Variants in HSD17B11 observed in about 807,000 individuals in gnomAD.
HSD17B11 encodes the protein estradiol 17-beta-dehydrogenase 11.
HSD17B11 carries 22 observed loss-of-function variants against 27.8 expected under a neutral mutation model. The ratio of observed to expected loss-of-function variants is 0.79; its 90% CI spans 0.56 to 1.13. The LOEUF (loss-of-function observed/expected upper bound fraction) is 1.13, where lower values mean the gene tolerates loss of function less well. Ranked by LOEUF, HSD17B11 falls within the 50% of genes most tolerant of loss-of-function variation. The pLI is 0.00. For synonymous variants in HSD17B11, 117 were observed against 132.8 expected, an observed-to-expected ratio of 0.88 and a Z score of 0.82; for missense variants, 314 against 351.1, an observed-to-expected ratio of 0.89 and a Z score of 0.84.
intron 5 of HSD17B11, among the ~76,000 whole-genome samples, chr4:87,342,485 T>A (rs1481050949): frequency 2.0e-5 from 3 of 151,322 alleles, no homozygotes; most frequent in Non-Finnish European, 1.5e-5. Flanking sequence ...GGCGGGAGGA[T>A]CACTTGAGCC....
chr4:87,365,225 T>C (rs1031406092), intron 4 of HSD17B11, among the ~76,000 whole-genome samples: 2 of 152,202 alleles, frequency 1.3e-5, no homozygotes, highest in Non-Finnish European at 2.9e-5. Flanking sequence ...CTTCTATTTA[T>C]AGTGTATGTT....
intron 2 of HSD17B11, among the ~76,000 whole-genome samples, chr4:87,376,825 C>T (rs1308609438): frequency 1.3e-5 from 2 of 152,160 alleles, no homozygotes; most frequent in Non-Finnish European, 1.5e-5. Flanking sequence ...AAGGCATCCA[C>T]TGGACTGTAA....
In HSD17B11 at chr4:87,390,977, T is replaced by C. The variant is rs1162545434; in HGVS notation, c.94A>G (p.Lys32Glu). The change falls in exon 1 of 7, where the codon AAA becomes GAA. Residue 32 changes from lysine to glutamate, a missense_variant. Physicochemically the swap from Lys to Glu is moderately conservative, Grantham distance 56. Coordinates refer to ENST00000358290, the MANE Select transcript of HSD17B11 (RefSeq NM_016245.5). ...FVKLFIPKRR[K>E]SVTGEIVLIT... ...AGCACGATTTCGCCGGTGACTGATT[T>C]TCTCCTCTTAGGAATAAAAAGCTTC... is the stretch of plus-strand genomic sequence containing the variant. 6.2e-6 allele frequency: 10 copies of C among 1,614,150 alleles called. No individual in the cohort carries two copies. The highest frequency in any genetic ancestry group is 8.5e-6 in the Non-Finnish European group (10 of 1,180,016).
At chr4:87,387,808 A>C (rs1720359034) in intron 1 of HSD17B11, among the ~76,000 whole-genome samples, 1 of 152,228 alleles carries the variant, frequency 6.6e-6, no homozygotes, top group Non-Finnish European at 1.5e-5. Context: ...TAACCTAATA[A>C]AAACTCACTA....
At chr4:87,338,953 T>C (rs771543140) in intron 6 of HSD17B11, among the ~76,000 whole-genome samples, 55 of 152,244 alleles carry the variant, frequency 3.6e-4, no homozygotes, top group Non-Finnish European at 6.9e-4. Context: ...AACTAATCCA[T>C]GTTCATGTTG....
chr4:87,370,951 ACCG>A (rs1735705167), intron 4 of HSD17B11, among the ~76,000 whole-genome samples: 1 of 123,258 alleles, frequency 8.1e-6, no homozygotes, highest in Non-Finnish European at 1.6e-5. Context: ...ACGGGGTTTC[ACCG>A]TGTTAGCCAG....
chr4:87,337,959 T>C (rs1735081857), intron 6 of HSD17B11, among the ~76,000 whole-genome samples: 1 of 152,244 alleles, frequency 6.6e-6, no homozygotes, highest in African/African-American at 2.4e-5. Flanking sequence ...GGCTCACGCC[T>C]GTAATCCCAG....
At chr4:87,375,703 C>T (rs1432202419) in intron 2 of HSD17B11, among the ~76,000 whole-genome samples, 2 of 152,122 alleles carry the variant, frequency 1.3e-5, no homozygotes, top group African/African-American at 4.8e-5. Flanking sequence ...ATCGCGCCAT[C>T]GCACTCCGGC....
chr4:87,338,938 TA>T (rs1178362178), intron 6 of HSD17B11, among the ~76,000 whole-genome samples: 1 of 152,186 alleles, frequency 6.6e-6, no homozygotes, highest in African/African-American at 2.4e-5. Flanking sequence ...TCAGATAAGT[TA>T]AAAAACTAAT....
chr4:87,337,236 A>G lies in HSD17B11; in HGVS notation c.*40T>C, dbSNP rs1344973873. ...AATTCTGGCACTATTAGATGACATC[A>G]ACCTAAACCTGGTAAATCAGTTTTC... is the stretch of plus-strand genomic sequence containing the variant. On this transcript the variant is annotated 3_prime_UTR_variant, in exon 7 of 7. Coordinates refer to ENST00000358290, the MANE Select transcript of HSD17B11 (RefSeq NM_016245.5). 3.3e-6 allele frequency: 4 copies of G among 1,225,754 alleles called. No individual in the cohort carries two copies. Among genetic ancestry groups the G allele is most frequent in the Non-Finnish European group, 4.8e-6 (4 of 829,116 alleles). The allele number at this position is 1,225,754 out of a possible 1,614,324, so 75.9% of individuals were successfully genotyped here.
intron 2 of HSD17B11, among the ~76,000 whole-genome samples, chr4:87,380,857 CTATCTCAAAAAAAAAAAAA>C (rs1720138862): frequency 1.2e-5 from 1 of 84,582 alleles, no homozygotes; most frequent in South Asian, 4.4e-4. Flanking sequence ...GAGCTAGACT[CTATCTCAAAAAAAAAAAAA>C]AAAAAAAAAA....
At chr4:87,375,233 G>C (rs758795013) in intron 2 of HSD17B11, among the ~76,000 whole-genome samples, 23 of 152,172 alleles carry the variant, frequency 1.5e-4, no homozygotes, top group Middle Eastern at 6.8e-3. Context: ...TGCTAGATCT[G>C]GATAAAAGTG....
intron 5 of HSD17B11, among the ~76,000 whole-genome samples, chr4:87,356,781 C>A (rs1264279092): frequency 6.6e-6 from 1 of 152,130 alleles, no homozygotes; most frequent in African/African-American, 2.4e-5. Flanking sequence ...ATCTGGTACT[C>A]CTTTCGGAGG....
chr4:87,361,529 A>G (rs1440885890), intron 4 of HSD17B11, among the ~76,000 whole-genome samples: 3 of 152,126 alleles, frequency 2.0e-5, no homozygotes, highest in Non-Finnish European at 4.4e-5. Flanking sequence ...GCACTCTGGG[A>G]GGCCAAGGCG....
chr4:87,370,408 A>ATATTAT (rs558649956), intron 4 of HSD17B11, among the ~76,000 whole-genome samples: 2 of 151,664 alleles, frequency 1.3e-5, no homozygotes, highest in Admixed American at 1.3e-4. Flanking sequence ...AATAAGTTAG[A>ATATTAT]TATTATTATT....
chr4:87,352,930 C>CTGACCCCT (rs1735312554), intron 5 of HSD17B11, among the ~76,000 whole-genome samples: 3 of 93,582 alleles, frequency 3.2e-5, no homozygotes, highest in Non-Finnish European at 6.2e-5. Flanking sequence ...AGGGAACTCC[C>CTGACCCCT]TGACCCCTTG....
At chr4:87,390,805 C>T in intron 1 of HSD17B11, 56 bp downstream of exon 1, 2 of 1,506,496 alleles carry the variant, frequency 1.3e-6, no homozygotes, top group South Asian at 1.1e-5. Flanking sequence ...CAGCAAAATG[C>T]AGACACATCC....
At chr4:87,352,896 G>A (rs10049877) in intron 5 of HSD17B11, among the ~76,000 whole-genome samples, 801 of 78,660 alleles carry the variant, frequency 0.01, 83 homozygotes, top group African/African-American at 0.057. Context: ...AGGTGCGTCC[G>A]TCACCCCTTT....
intron 5 of HSD17B11, among the ~76,000 whole-genome samples, chr4:87,343,532 G>A (rs889282733): frequency 9.5e-5 from 14 of 147,134 alleles, no homozygotes; most frequent in Non-Finnish European, 1.8e-4. Context: ...TAATTTTGGG[G>A]AAAACATTTC....
Sources: allele counts gnomAD v4.1 joint callset (sites outside exome capture counted in the v4.1 genomes callset), GRCh38; gene constraint gnomAD v4.1.1; transcripts MANE v1.5; gene names NCBI Gene and HGNC (gene_info 2026-07-23, HGNC 2026-07-21).